EBF3: variants seen among roughly 807,000 people sequenced by gnomAD.
EBF3 encodes EBF transcription factor 3, also known as transcription factor COE3.
In EBF3, 18 loss-of-function variants were observed where a neutral mutation model predicts 77.1. That is an observed-to-expected ratio of 0.23 (90% CI 0.16 to 0.35). EBF3 has a LOEUF of 0.35. EBF3 is among the 10% of genes least tolerant of loss of function. EBF3 has a pLI of 1.00. For synonymous variants in EBF3, 350 were observed against 343.5 expected, an observed-to-expected ratio of 1.02 and a Z score of -0.21; for missense variants, 558 against 860.0, an observed-to-expected ratio of 0.65 and a Z score of 4.39.
In EBF3 at chr10:129,943,731, A is replaced by G. The variant is rs181743824; in HGVS notation, c.554+13527T>C. Among the ~76,000 whole-genome samples the G allele has an allele frequency of 3.2e-4, 49 of 152,312 alleles. 1 individual carries two copies. The East Asian group carries it at 8.1e-3, about 25-fold the overall frequency. Reference sequence around the variant, plus strand: ...AAGAATTGCTAGGAATTCTTTTCACAGGCTGCATCTATGCTAGCCAATGAA... The same window carrying G: ...AAGAATTGCTAGGAATTCTTTTCACGGGCTGCATCTATGCTAGCCAATGAA... On this transcript the variant is annotated intron_variant, in intron 6 of 16. Coordinates refer to ENST00000440978, the MANE Select transcript of EBF3 (RefSeq NM_001375380.1). This position sits in a 1 kb window ranked among gnomAD's most constrained non-coding sequence, Gnocchi z 8.8.
intron 8 of EBF3, among the ~76,000 whole-genome samples, chr10:129,871,086 C>T (rs1852373831): frequency 6.6e-6 from 1 of 152,228 alleles, no homozygotes; most frequent in South Asian, 2.1e-4. Flanking sequence ...CTTTAACTCG[C>T]TAAAGCCCCG....
intron 6 of EBF3, among the ~76,000 whole-genome samples, chr10:129,901,402 G>A (rs1854768851): frequency 6.6e-6 from 1 of 152,140 alleles, no homozygotes; most frequent in South Asian, 2.1e-4. Flanking sequence ...CCAGAATTCT[G>A]ATCCTGATTA....
intron 11 of EBF3, among the ~76,000 whole-genome samples, chr10:129,846,930 G>T (rs932467135): frequency 6.6e-6 from 1 of 152,096 alleles, no homozygotes; most frequent in Non-Finnish European, 1.5e-5. Context: ...GGAGGCAGAA[G>T]CCCTTCCCTG....
In EBF3 at chr10:129,944,696, G is replaced by A. The variant is rs965330524; in HGVS notation, c.554+12562C>T. ...GCTGGTCCACCGAGTATAGTTATAC[G>A]TATGCCCCATGAATCTCATTTTATG... On this transcript the variant is annotated intron_variant, in intron 6 of 16. Coordinates refer to ENST00000440978, the MANE Select transcript of EBF3 (RefSeq NM_001375380.1). This position sits in a 1 kb window ranked among gnomAD's most constrained non-coding sequence, Gnocchi z 5.1. 2.0e-5 allele frequency among the ~76,000 whole-genome samples: 3 copies of A among 152,016 alleles called. No individual in the cohort carries two copies. The highest frequency in any genetic ancestry group is 7.3e-5 in the African/African-American group (3 of 41,376).
At chr10:129,883,053 G>A (rs534044756) in intron 6 of EBF3, among the ~76,000 whole-genome samples, 1 of 152,202 alleles carries the variant, frequency 6.6e-6, no homozygotes, top group Non-Finnish European at 1.5e-5. Flanking sequence ...CTTGCTTTTT[G>A]CATGTGGCTA....
intron 6 of EBF3, among the ~76,000 whole-genome samples, chr10:129,895,588 ACT>A (rs1350638115): frequency 6.6e-6 from 1 of 152,160 alleles, no homozygotes; most frequent in Non-Finnish European, 1.5e-5. Context: ...GTGAATCCAT[ACT>A]CTCAAAATTC....
At position 129,963,837 on chromosome 10, in the gene EBF3, G is replaced by C; in HGVS notation, c.-69C>G. The C allele has an allele frequency of 6.9e-7, 1 of 1,447,944 alleles. No individual in the cohort carries two copies. Among genetic ancestry groups the C allele is most frequent in the South Asian group, 1.2e-5 (1 of 83,248 alleles). The allele number at this position is 1,447,944 out of a possible 1,614,324, so 89.7% of individuals were successfully genotyped here. Reference sequence around the variant, plus strand: ...CCTCGAGCAGCGGCGCTCGGGGCTTGGCGGCAGGCGGCTGCCCTGGCCGCC... The same window carrying C: ...CCTCGAGCAGCGGCGCTCGGGGCTTCGCGGCAGGCGGCTGCCCTGGCCGCC... On this transcript the variant is annotated 5_prime_UTR_variant, in exon 1 of 17. Coordinates refer to ENST00000440978, the MANE Select transcript of EBF3 (RefSeq NM_001375380.1). This position sits in a 1 kb window ranked among gnomAD's most constrained non-coding sequence, Gnocchi z 7.1.
At chr10:129,931,786 C>A (rs901976696) in intron 6 of EBF3, among the ~76,000 whole-genome samples, 12 of 152,228 alleles carry the variant, frequency 7.9e-5, no homozygotes, top group African/African-American at 2.9e-4. Context: ...GCCTGCTGAC[C>A]TCAAGCTCCC....
intron 6 of EBF3, among the ~76,000 whole-genome samples, chr10:129,941,599 G>A (rs563523506): frequency 1.3e-5 from 2 of 152,208 alleles, no homozygotes; most frequent in Admixed American, 6.5e-5. Context: ...GGCCCAAAGC[G>A]CTGGGCACTC....
intron 10 of EBF3, among the ~76,000 whole-genome samples, chr10:129,851,249 T>C (rs932501595): frequency 6.6e-6 from 1 of 152,162 alleles, no homozygotes; most frequent in Non-Finnish European, 1.5e-5. Flanking sequence ...CGTGGATAAT[T>C]AGAGAAGGAG....
intron 6 of EBF3, among the ~76,000 whole-genome samples, chr10:129,900,123 T>A (rs1173723890): frequency 2.6e-5 from 4 of 152,236 alleles, no homozygotes; most frequent in Admixed American, 1.3e-4. Flanking sequence ...TGCTCCTATG[T>A]GCTCTTCTTT....
chr10:129,959,106 C>T (rs1469128471), intron 4 of EBF3, 99 bp from the exon 5 acceptor site: 9 of 1,450,816 alleles, frequency 6.2e-6, no homozygotes, highest in Non-Finnish European at 8.5e-6. Context: ...GCAGGTGCAC[C>T]ACGCTCGAGG....
intron 6 of EBF3, among the ~76,000 whole-genome samples, chr10:129,930,744 A>G (rs1856964169): frequency 6.8e-6 from 1 of 147,310 alleles, no homozygotes; most frequent in South Asian, 2.2e-4. Context: ...ATCTATCTCT[A>G]TATTAACAAA....
At chr10:129,916,432 G>C (rs983782521) in intron 6 of EBF3, among the ~76,000 whole-genome samples, 4 of 152,238 alleles carry the variant, frequency 2.6e-5, no homozygotes, top group African/African-American at 7.2e-5. Context: ...ATCTGCCCTG[G>C]CATGTGGACT....
Position 129,848,437 on chromosome 10 carries a change from C to T in EBF3, c.1083G>A (p.Gln361=). 1 of 1,614,244 alleles carries T rather than the reference C, an allele frequency of 6.2e-7. No individual in the cohort carries two copies. ...CACCCGGATGTCTTGGGATCACTTT[C>T]TGCAACCTCTGAAAGCCGTAATCTA... is the stretch of plus-strand genomic sequence containing the variant. The part of the protein sequence containing the change: ...PTIDYGFQRL[Q]KVIPRHPGDP... Residue 361 remains glutamine, a synonymous_variant, in exon 11 of 17, where the codon CAG becomes CAA. Coordinates refer to ENST00000440978, the MANE Select transcript of EBF3 (RefSeq NM_001375380.1). The surrounding 1 kb of genome is among the most constrained non-coding windows in gnomAD (Gnocchi z 4.4).
chr10:129,956,917 A>C (rs1003294094), intron 6 of EBF3, among the ~76,000 whole-genome samples: 2 of 152,246 alleles, frequency 1.3e-5, no homozygotes, highest in Non-Finnish European at 2.9e-5. Context: ...TAAAAATGAA[A>C]TACTTGTTAA....
intron 6 of EBF3, among the ~76,000 whole-genome samples, chr10:129,912,317 G>A (rs769617720): frequency 1.3e-5 from 2 of 152,086 alleles, no homozygotes; most frequent in Non-Finnish European, 2.9e-5. Flanking sequence ...CTTACCAGGC[G>A]CTTCACAGCT....
At chr10:129,843,420 T>C in intron 11 of EBF3, 2 of 500,932 alleles carry the variant, frequency 4.0e-6, no homozygotes, top group Non-Finnish European at 3.6e-6. Context: ...ATAAAAGCGT[T>C]TTCTGTGGCT....
intron 6 of EBF3, among the ~76,000 whole-genome samples, chr10:129,939,555 C>T (rs539235842): frequency 4.2e-4 from 64 of 152,260 alleles, no homozygotes; most frequent in African/African-American, 1.5e-3. Context: ...TTTTGCCAAG[C>T]GTGGTGAGGA....
Sources: gnomAD v4.1 joint callset for allele counts (sites outside exome capture counted in the v4.1 genomes callset) on GRCh38, gnomAD v4.1.1 for gene constraint, Gnocchi (gnomAD v3.1) non-coding constraint, MANE v1.5 for transcripts, NCBI Gene and HGNC (gene_info 2026-07-23, HGNC 2026-07-21) for gene names.